M1AP: variants seen among roughly 807,000 people sequenced by gnomAD.
The protein encoded by M1AP is meiosis 1 associated protein.
M1AP carries 39 observed loss-of-function variants against 51.2 expected under a neutral mutation model. The ratio of observed to expected loss-of-function variants is 0.76; its 90% CI spans 0.59 to 1.00. The LOEUF (loss-of-function observed/expected upper bound fraction) is 1.00. Ranked by LOEUF, M1AP falls within the 50% of genes least tolerant of loss-of-function variation. M1AP has a pLI of 0.00. For synonymous variants in M1AP, 251 were observed against 249.2 expected, an observed-to-expected ratio of 1.01 and a Z score of -0.07; for missense variants, 545 against 641.2, an observed-to-expected ratio of 0.85 and a Z score of 1.62.
chr2:74,571,025 T>C (rs1678703639), intron 7 of M1AP, among the ~76,000 whole-genome samples: 3 of 152,298 alleles, frequency 2.0e-5, no homozygotes, highest in Admixed American at 2.0e-4. Context: ...AGGGATAGAA[T>C]AGGCAAGGTG....
chr2:74,616,321 C>G (rs76470293), intron 2 of M1AP, among the ~76,000 whole-genome samples: 14,728 of 152,058 alleles, frequency 0.097, 2,073 homozygotes, highest in African/African-American at 0.31. Context: ...TGGTTGCTAA[C>G]GATGTAACTT....
intron 4 of M1AP, among the ~76,000 whole-genome samples, chr2:74,596,986 A>T (rs563316850): frequency 6.6e-6 from 1 of 152,172 alleles, no homozygotes; most frequent in Admixed American, 6.5e-5. Context: ...GGAAAGAAAA[A>T]TCTTTTTTGA....
chr2:74,641,129 TATAAG>T (rs1683274898), intron 1 of M1AP, among the ~76,000 whole-genome samples: 1 of 152,256 alleles, frequency 6.6e-6, no homozygotes, highest in Non-Finnish European at 1.5e-5. Flanking sequence ...CTGAATCTCT[TATAAG>T]GTAAAATTTA....
intron 4 of M1AP, among the ~76,000 whole-genome samples, chr2:74,604,519 A>G (rs560527412): frequency 2.0e-5 from 3 of 152,320 alleles, no homozygotes; most frequent in East Asian, 3.9e-4. Flanking sequence ...TTGCTCTCCT[A>G]TAAGGATCTA....
intron 4 of M1AP, among the ~76,000 whole-genome samples, chr2:74,602,675 G>A (rs932443335): frequency 6.6e-6 from 1 of 152,072 alleles, no homozygotes; most frequent in African/African-American, 2.4e-5. Flanking sequence ...AAACACTAAG[G>A]GAATAAAACA....
At chr2:74,579,657 C>T (rs1470418431) in intron 5 of M1AP, among the ~76,000 whole-genome samples, 1 of 152,036 alleles carries the variant, frequency 6.6e-6, no homozygotes, top group East Asian at 1.9e-4. Flanking sequence ...TTGCCATTGG[C>T]CAGGCAGGCA....
At chr2:74,628,263 G>C (rs1350124898) in intron 2 of M1AP, 1 of 255,164 alleles carries the variant, frequency 3.9e-6, no homozygotes, top group African/African-American at 2.3e-5. Context: ...AAAAGGTTCA[G>C]AGTCAAGAAT....
intron 4 of M1AP, among the ~76,000 whole-genome samples, chr2:74,589,873 T>C (rs1441261228): frequency 6.6e-6 from 1 of 152,254 alleles, no homozygotes. Flanking sequence ...ATATTATGGG[T>C]GTCCAATCTT....
At chr2:74,568,557 C>G (rs998834339) in intron 7 of M1AP, among the ~76,000 whole-genome samples, 8 of 152,152 alleles carry the variant, frequency 5.3e-5, no homozygotes, top group Admixed American at 1.3e-4. Flanking sequence ...TTCAGGAGAA[C>G]AGAGAAACTA....
At chr2:74,621,770 G>A (rs907226011) in intron 2 of M1AP, among the ~76,000 whole-genome samples, 1 of 151,680 alleles carries the variant, frequency 6.6e-6, no homozygotes, top group Admixed American at 6.6e-5. Context: ...TCCAGCCTGG[G>A]AAACAGAGCG....
chr2:74,624,139 A>G (rs992337906), intron 2 of M1AP, among the ~76,000 whole-genome samples: 1 of 152,224 alleles, frequency 6.6e-6, no homozygotes, highest in Non-Finnish European at 1.5e-5. Flanking sequence ...ACAAAGGCAT[A>G]AGCAGGCTAG....
chr2:74,561,217 A>AGG (rs1677970029), intron 8 of M1AP, among the ~76,000 whole-genome samples: 1 of 24,736 alleles, frequency 4.0e-5, no homozygotes, highest in African/African-American at 1.3e-4. Flanking sequence ...GGAGGAGGAG[A>AGG]AGGAGGAGGA....
chr2:74,641,244 T>C (rs1683281753), intron 1 of M1AP, among the ~76,000 whole-genome samples: 1 of 152,238 alleles, frequency 6.6e-6, no homozygotes, highest in African/African-American at 2.4e-5. Flanking sequence ...ATATTCACTT[T>C]AGTGCATTTG....
At chr2:74,581,243 C>A (rs559652742) in intron 5 of M1AP, among the ~76,000 whole-genome samples, 1 of 152,138 alleles carries the variant, frequency 6.6e-6, no homozygotes. Context: ...GCCTCCCTAG[C>A]GAGAAGATCT....
intron 3 of M1AP, among the ~76,000 whole-genome samples, chr2:74,608,351 A>G (rs191650783): frequency 7.9e-5 from 12 of 152,288 alleles, no homozygotes; most frequent in Middle Eastern, 3.4e-3. Context: ...AGCCTTTTCA[A>G]ATTGGCTTCT....
chr2:74,581,236 TC>T (rs767372420), intron 5 of M1AP, among the ~76,000 whole-genome samples: 19 of 152,322 alleles, frequency 1.2e-4, no homozygotes, highest in East Asian at 5.8e-4. Flanking sequence ...ATTTGCTGCC[TC>T]CCTAGCGAGA....
intron 2 of M1AP, among the ~76,000 whole-genome samples, chr2:74,629,381 A>G (rs1413168654): frequency 2.6e-5 from 4 of 152,254 alleles, no homozygotes; most frequent in Non-Finnish European, 4.4e-5. Flanking sequence ...ACATGAGGCC[A>G]TAAGTGGAAA....
chr2:74,627,248 A>G (rs1433971118), intron 2 of M1AP, among the ~76,000 whole-genome samples: 1 of 152,122 alleles, frequency 6.6e-6, no homozygotes, highest in African/African-American at 2.4e-5. Flanking sequence ...CATTTCATTC[A>G]TAAGTATTTG....
chr2:74,604,123 T>C (rs910109113), intron 4 of M1AP, among the ~76,000 whole-genome samples: 1 of 152,198 alleles, frequency 6.6e-6, no homozygotes, highest in African/African-American at 2.4e-5. Flanking sequence ...AATCCAAATG[T>C]TTTAGCATGG....
Sources: allele counts gnomAD v4.1 joint callset (sites outside exome capture counted in the v4.1 genomes callset), GRCh38; gene constraint gnomAD v4.1.1; transcripts MANE v1.5; gene names NCBI Gene and HGNC (gene_info 2026-07-23, HGNC 2026-07-21).